Variants in ARL15 observed in about 807,000 individuals in gnomAD.
ARL15 encodes the protein ADP-ribosylation factor-like protein 15.
Under a neutral mutation model 25.2 loss-of-function variants are expected in ARL15, and 19 were observed. The ratio of observed to expected loss-of-function variants is 0.75; its 90% CI spans 0.53 to 1.10. The LOEUF (loss-of-function observed/expected upper bound fraction) is 1.10, where lower values mean the gene tolerates loss of function less well. ARL15 is among the 50% of genes least tolerant of loss of function. ARL15 has a pLI of 0.00. For missense variants in ARL15, 220 were observed against 246.0 expected, an observed-to-expected ratio of 0.89 and a Z score of 0.71; for synonymous variants, 94 against 86.8, an observed-to-expected ratio of 1.08 and a Z score of -0.46.
chr5:54,211,852 GTAGA>G (rs557836095), intron 1 of ARL15, among the ~76,000 whole-genome samples: 43 of 152,248 alleles, frequency 2.8e-4, no homozygotes, highest in Admixed American at 9.2e-4. Flanking sequence ...ATAAAGAGGA[GTAGA>G]TAAAGTCCAA....
chr5:54,181,517 G>C (rs924374571), intron 1 of ARL15, among the ~76,000 whole-genome samples: 1 of 152,212 alleles, frequency 6.6e-6, no homozygotes, highest in Middle Eastern at 3.4e-3. Flanking sequence ...CTGATTACCT[G>C]AACAGAACAT....
chr5:54,118,631 T>A (rs1306085549), intron 3 of ARL15, among the ~76,000 whole-genome samples: 1 of 152,192 alleles, frequency 6.6e-6, no homozygotes, highest in African/African-American at 2.4e-5. Context: ...TAAACTATCT[T>A]TATTCTAACC....
intron 4 of ARL15, among the ~76,000 whole-genome samples, chr5:53,939,549 A>G (rs1281069943): frequency 6.6e-6 from 1 of 152,162 alleles, no homozygotes; most frequent in Non-Finnish European, 1.5e-5. Flanking sequence ...ATGCTGGCCA[A>G]CATGATGAAA....
chr5:53,930,241 A>C (rs1019031605), intron 4 of ARL15, among the ~76,000 whole-genome samples: 1 of 152,180 alleles, frequency 6.6e-6, no homozygotes, highest in African/African-American at 2.4e-5. Flanking sequence ...AGACAGACAC[A>C]CTTTTTATTA....
At chr5:54,124,113 A>G (rs964095531) in intron 3 of ARL15, among the ~76,000 whole-genome samples, 13 of 152,218 alleles carry the variant, frequency 8.5e-5, no homozygotes, top group Admixed American at 2.0e-4. Flanking sequence ...TAAAGACTAT[A>G]TTTGCCTGAG....
intron 4 of ARL15, among the ~76,000 whole-genome samples, chr5:54,031,529 A>G (rs549808417): frequency 1.1e-4 from 17 of 152,304 alleles, no homozygotes; most frequent in Admixed American, 9.8e-4. Context: ...TAGAGGCACT[A>G]CCCTGGAGGC....
intron 4 of ARL15, among the ~76,000 whole-genome samples, chr5:53,962,974 G>A (rs1481837061): frequency 1.3e-5 from 2 of 152,068 alleles, no homozygotes; most frequent in Non-Finnish European, 2.9e-5. Context: ...ATGAGGTAAT[G>A]AAAACATTTA....
At chr5:54,252,837 C>A (rs918310562) in intron 1 of ARL15, among the ~76,000 whole-genome samples, 3 of 152,126 alleles carry the variant, frequency 2.0e-5, no homozygotes, top group Admixed American at 6.5e-5. Flanking sequence ...AATCCTTTCA[C>A]CTCAGCCTTC....
At chr5:54,254,778 G>C (rs555566015) in intron 1 of ARL15, among the ~76,000 whole-genome samples, 7 of 152,174 alleles carry the variant, frequency 4.6e-5, no homozygotes, top group Non-Finnish European at 1.0e-4. Context: ...CAGGGGAGAG[G>C]GGCAGGGGAT....
At chr5:54,302,187 A>G (rs1375584362) in intron 1 of ARL15, among the ~76,000 whole-genome samples, 3 of 152,194 alleles carry the variant, frequency 2.0e-5, no homozygotes, top group Non-Finnish European at 4.4e-5. Flanking sequence ...TGACCCCTCA[A>G]TTTCCAGAAT....
intron 3 of ARL15, among the ~76,000 whole-genome samples, chr5:54,132,541 T>TA (rs1753469727): frequency 6.6e-6 from 1 of 152,148 alleles, no homozygotes; most frequent in Non-Finnish European, 1.5e-5. Context: ...ATTTGTTATT[T>TA]AAAAAATATA....
chr5:54,005,734 C>T (rs1161687270), intron 4 of ARL15, among the ~76,000 whole-genome samples: 4 of 151,740 alleles, frequency 2.6e-5, no homozygotes, highest in African/African-American at 4.8e-5. Flanking sequence ...TGGTGGCCGG[C>T]GCCTGTAGTC....
intron 3 of ARL15, among the ~76,000 whole-genome samples, chr5:54,143,509 T>G (rs1388541852): frequency 6.6e-6 from 1 of 152,042 alleles, no homozygotes; most frequent in East Asian, 1.9e-4. Context: ...TATAGCTGAA[T>G]ATGTAATATT....
intron 4 of ARL15, among the ~76,000 whole-genome samples, chr5:53,954,352 C>A (rs1448174931): frequency 6.6e-6 from 1 of 152,176 alleles, no homozygotes; most frequent in Non-Finnish European, 1.5e-5. Flanking sequence ...AGGTGTAGAA[C>A]TTGTATACTG....
At position 54,065,399 on chromosome 5, in the gene ARL15, C is replaced by T. The variant is rs142741605; in HGVS notation, c.462+47803G>A. ...GAGATGTCCTGGCTGGGCGCAGTGG[C>T]TAATGCCTGTAATCCCAGCACTTTG... On this transcript the variant is annotated intron_variant, in intron 4 of 4. Coordinates refer to ENST00000504924, the MANE Select transcript of ARL15 (RefSeq NM_019087.3). Among the ~76,000 whole-genome samples the T allele has an allele frequency of 2.7e-3, 418 of 152,298 alleles. 11 individuals are homozygous for T. The East Asian group carries it at 0.064, about 23-fold the overall frequency.
intron 4 of ARL15, among the ~76,000 whole-genome samples, chr5:54,086,166 G>A (rs1202704212): frequency 4.6e-5 from 7 of 152,046 alleles, no homozygotes; most frequent in Admixed American, 3.3e-4. Flanking sequence ...CGCCCGCCTC[G>A]GCCTTCCAAA....
At chr5:53,978,622 C>CAAAAAAAAAAAAAAAAAAAA (rs147288475) in intron 4 of ARL15, among the ~76,000 whole-genome samples, 9 of 74,560 alleles carry the variant, frequency 1.2e-4, no homozygotes, top group East Asian at 4.0e-4. Flanking sequence ...CCTGTCTCTA[C>CAAAAAAAAAAAAAAAAAAAA]AAAAAAAAAA....
At chr5:54,281,253 C>A (rs1036487492) in intron 1 of ARL15, among the ~76,000 whole-genome samples, 4 of 152,100 alleles carry the variant, frequency 2.6e-5, no homozygotes, top group African/African-American at 9.7e-5. Context: ...GATTCTCCTG[C>A]CTCAGCCTCC....
intron 3 of ARL15, among the ~76,000 whole-genome samples, chr5:54,151,984 C>T (rs994545845): frequency 2.6e-5 from 4 of 152,074 alleles, no homozygotes; most frequent in Non-Finnish European, 4.4e-5. Context: ...AGGAGAACTA[C>T]CTGGGCATTC....
Sources: allele counts gnomAD v4.1 joint callset (sites outside exome capture counted in the v4.1 genomes callset), GRCh38; gene constraint gnomAD v4.1.1; transcripts MANE v1.5; gene names NCBI Gene and HGNC (gene_info 2026-07-23, HGNC 2026-07-21).